LPP: variants seen among roughly 807,000 people sequenced by gnomAD.
LPP encodes the protein LIM domain containing preferred translocation partner in lipoma.
Under a neutral mutation model 60.4 loss-of-function variants are expected in LPP, and 38 were observed. The observed-to-expected ratio is 0.63, with a 90% confidence interval of 0.49 to 0.83. LPP has a LOEUF of 0.83. LPP is among the 40% of genes least tolerant of loss of function. LPP has a pLI of 0.00. For missense variants in LPP, 902 were observed against 783.6 expected, an observed-to-expected ratio of 1.15 and a Z score of -1.80; for synonymous variants, 328 against 290.8, an observed-to-expected ratio of 1.13 and a Z score of -1.30.
chr3:188,827,153 A>G (rs948323308), intron 9 of LPP, among the ~76,000 whole-genome samples: 6 of 152,146 alleles, frequency 3.9e-5, no homozygotes, highest in Non-Finnish European at 8.8e-5. Flanking sequence ...TCTAGCCACA[A>G]CCACCTCTCA....
At chr3:188,624,283 G>A (rs1264130851) in intron 7 of LPP, among the ~76,000 whole-genome samples, 1 of 152,146 alleles carries the variant, frequency 6.6e-6, no homozygotes. Flanking sequence ...CAGAGAAAGG[G>A]TATAGGAAAA....
intron 2 of LPP, among the ~76,000 whole-genome samples, chr3:188,236,107 G>A (rs1721826780): frequency 6.6e-6 from 1 of 152,030 alleles, no homozygotes; most frequent in African/African-American, 2.4e-5. Flanking sequence ...AAAAATTAAT[G>A]AGTAAATATG....
At position 188,887,663 on chromosome 3, in the gene LPP, C is replaced by T. The variant is rs1176377408; in HGVS notation, c.*13184C>T. On this transcript the variant is annotated 3_prime_UTR_variant, in exon 12 of 12. Coordinates refer to ENST00000617246, the MANE Select transcript of LPP (RefSeq NM_001375462.1). ...AGTGCCTTGGTCCTCCCTCTGTAGG[C>T]AGCAAATTGAAACTAACATGGGACC... 4.7e-6 allele frequency: 1 copy of T among 212,896 alleles called. No individual in the cohort carries two copies. The highest frequency in any genetic ancestry group is 2.3e-5 in the African/African-American group (1 of 44,228). The allele number at this position is 212,896 out of a possible 1,614,324, so 13.2% of individuals were successfully genotyped here. A position where few individuals can be genotyped will look rare whatever the true frequency, so the allele number is the denominator to read the frequency against.
chr3:188,213,222 T>C (rs1711997126), intron 1 of LPP, among the ~76,000 whole-genome samples: 1 of 152,054 alleles, frequency 6.6e-6, no homozygotes, highest in African/African-American at 2.4e-5. Context: ...GATTTAAGAG[T>C]ATGCAAAATG....
chr3:188,157,029 A>T (rs1206509759), intron 1 of LPP, among the ~76,000 whole-genome samples: 1 of 152,178 alleles, frequency 6.6e-6, no homozygotes, highest in African/African-American at 2.4e-5. Flanking sequence ...TCACATTTTA[A>T]TATCACTGAA....
intron 4 of LPP, among the ~76,000 whole-genome samples, chr3:188,482,280 T>A (rs993334870): frequency 2.0e-5 from 3 of 152,310 alleles, no homozygotes; most frequent in African/African-American, 7.2e-5. Flanking sequence ...TTTATAGCAG[T>A]GAGAGAACAG....
intron 8 of LPP, among the ~76,000 whole-genome samples, chr3:188,757,949 GT>G (rs765827694): frequency 4.4e-5 from 4 of 90,156 alleles, no homozygotes; most frequent in Non-Finnish European, 8.8e-5. Flanking sequence ...AAATAGTTTT[GT>G]TACTGTTGGC....
intron 7 of LPP, among the ~76,000 whole-genome samples, chr3:188,695,380 C>T (rs1019601811): frequency 1.3e-5 from 2 of 152,196 alleles, no homozygotes; most frequent in Non-Finnish European, 1.5e-5. Flanking sequence ...TTCTTCCCCT[C>T]GGCTGCAGTG....
chr3:188,863,529 C>T (rs966738461), intron 9 of LPP, among the ~76,000 whole-genome samples: 2 of 152,164 alleles, frequency 1.3e-5, no homozygotes, highest in Admixed American at 6.5e-5. Flanking sequence ...GCCCCCTCCT[C>T]CTGACACTGT....
intron 2 of LPP, among the ~76,000 whole-genome samples, chr3:188,327,269 A>C (rs1021102035): frequency 6.6e-6 from 1 of 152,188 alleles, no homozygotes; most frequent in Non-Finnish European, 1.5e-5. Flanking sequence ...TGAGCCTCTA[A>C]TAATATACGG....
intron 7 of LPP, among the ~76,000 whole-genome samples, chr3:188,699,510 A>G (rs1054148461): frequency 2.6e-5 from 4 of 152,266 alleles, no homozygotes; most frequent in Non-Finnish European, 5.9e-5. Flanking sequence ...AGAGATTTTA[A>G]GAAAATCAAG....
intron 2 of LPP, among the ~76,000 whole-genome samples, chr3:188,243,383 T>C (rs1286735596): frequency 6.6e-6 from 1 of 152,186 alleles, no homozygotes; most frequent in Non-Finnish European, 1.5e-5. Context: ...CCATCTTTGC[T>C]GTTGAGTATT....
At chr3:188,571,931 C>T (rs78884794) in intron 6 of LPP, among the ~76,000 whole-genome samples, 99 of 152,142 alleles carry the variant, frequency 6.5e-4, no homozygotes, top group African/African-American at 2.1e-3. Flanking sequence ...ATTACTGTTA[C>T]GTGGTAATCA....
At chr3:188,253,084 T>G (rs1730474816) in intron 2 of LPP, among the ~76,000 whole-genome samples, 1 of 151,970 alleles carries the variant, frequency 6.6e-6, no homozygotes, top group African/African-American at 2.4e-5. Flanking sequence ...TTTTTTTTTT[T>G]TTTTTTAAAT....
At chr3:188,273,553 A>G in intron 2 of LPP, among the ~76,000 whole-genome samples, 1 of 147,278 alleles carries the variant, frequency 6.8e-6, no homozygotes, top group Admixed American at 6.8e-5. Context: ...TACTTTTGCC[A>G]GGTGATAAGT....
chr3:188,826,449 G>T (rs1254997025), intron 9 of LPP, among the ~76,000 whole-genome samples: 1 of 152,038 alleles, frequency 6.6e-6, no homozygotes, highest in Non-Finnish European at 1.5e-5. Flanking sequence ...ATTTTAATAG[G>T]CAGAAAACTG....
intron 8 of LPP, among the ~76,000 whole-genome samples, chr3:188,727,512 C>G (rs2149984300): frequency 6.6e-6 from 1 of 152,156 alleles, no homozygotes; most frequent in African/African-American, 2.4e-5. Flanking sequence ...ATTAAAATAA[C>G]TTTGATATTT....
chr3:188,173,880 A>G (rs1206288547), intron 1 of LPP, among the ~76,000 whole-genome samples: 1 of 152,234 alleles, frequency 6.6e-6, no homozygotes, highest in African/African-American at 2.4e-5. Flanking sequence ...GTGAGCAACT[A>G]TCGGGGACTC....
chr3:188,359,282 G>T (rs373199004), intron 3 of LPP, among the ~76,000 whole-genome samples: 1 of 152,180 alleles, frequency 6.6e-6, no homozygotes, highest in Non-Finnish European at 1.5e-5. Flanking sequence ...AGCTGCATCC[G>T]AGGTAACAAA....
Sources: gnomAD v4.1 joint callset for allele counts (sites outside exome capture counted in the v4.1 genomes callset) on GRCh38, gnomAD v4.1.1 for gene constraint, MANE v1.5 for transcripts, NCBI Gene and HGNC (gene_info 2026-07-23, HGNC 2026-07-21) for gene names.